The following SUPT3H variants were observed in gnomAD, a reference collection of about 807,000 sequenced individuals.
The protein encoded by SUPT3H is transcription initiation protein SPT3 homolog.
Under a neutral mutation model 44.3 loss-of-function variants are expected in SUPT3H, and 44 were observed. The observed-to-expected ratio is 0.99, with a 90% CI of 0.78 to 1.28. The LOEUF (loss-of-function observed/expected upper bound fraction) is 1.28, where lower values mean the gene tolerates loss of function less well. SUPT3H is among the 50% of genes most tolerant of loss of function. The probability of loss-of-function intolerance (pLI) is 0.00; values close to 1 mark genes in which losing one functional copy is unlikely to be tolerated. For missense variants in SUPT3H, 380 were observed against 387.1 expected (o/e 0.98, Z 0.15); for synonymous variants, 124 against 125.6 (o/e 0.99, Z 0.09).
At chr6:45,321,811 A>T (rs1785539755) in intron 2 of SUPT3H, 1 of 1,605,476 alleles carries the variant, frequency 6.2e-7, no homozygotes, top group East Asian at 2.2e-5. Flanking sequence ...AGAATCATTC[A>T]GCAGTGGAAG....
chr6:45,158,027 G>T (rs1316946261), intron 2 of SUPT3H, among the ~76,000 whole-genome samples: 2 of 147,142 alleles, frequency 1.4e-5, no homozygotes, highest in East Asian at 3.9e-4. Flanking sequence ...TGCTCTAGGG[G>T]ATTTAAAAAA....
chr6:45,143,402 C>A (rs1298824148), intron 2 of SUPT3H, among the ~76,000 whole-genome samples: 2 of 152,018 alleles, frequency 1.3e-5, no homozygotes, highest in South Asian at 4.1e-4. Context: ...CCAAAAGGAA[C>A]CTTTGAAACA....
intron 2 of SUPT3H, among the ~76,000 whole-genome samples, chr6:45,138,330 C>T (rs574117215): frequency 6.6e-6 from 1 of 152,078 alleles, no homozygotes. Context: ...TCTCATATAA[C>T]CCACTCCTAG....
chr6:45,042,816 T>C (rs888260391), intron 3 of SUPT3H, among the ~76,000 whole-genome samples: 2 of 8,052 alleles, frequency 2.5e-4, no homozygotes, highest in African/African-American at 2.0e-3. Context: ...ACTGCAGCAC[T>C]ATTCACAATA....
chr6:44,904,623 C>T (rs1765674213), intron 10 of SUPT3H, among the ~76,000 whole-genome samples: 1 of 152,122 alleles, frequency 6.6e-6, no homozygotes, highest in African/African-American at 2.4e-5. Context: ...CAATGCCATC[C>T]CCATCAAGCT....
chr6:45,286,410 C>T (rs1174307787), intron 2 of SUPT3H, among the ~76,000 whole-genome samples: 1 of 151,874 alleles, frequency 6.6e-6, no homozygotes, highest in East Asian at 1.9e-4. Context: ...GAAAAAACAA[C>T]CCCATCAAAA....
chr6:44,910,728 T>C (rs767691201), intron 10 of SUPT3H, among the ~76,000 whole-genome samples: 3 of 150,260 alleles, frequency 2.0e-5, no homozygotes, highest in Non-Finnish European at 4.4e-5. Flanking sequence ...GCATGGTGGC[T>C]CACGCCTGTA....
intron 2 of SUPT3H, among the ~76,000 whole-genome samples, chr6:45,362,014 GC>G (rs1198496685): frequency 1.3e-5 from 2 of 152,146 alleles, no homozygotes; most frequent in African/African-American, 4.8e-5. Flanking sequence ...TCAGGCAACT[GC>G]ACTCCAGCGC....
Position 44,930,554 on chromosome 6 carries a change from G to T in SUPT3H, c.912+2099C>A, listed in dbSNP as rs193060671. Among the ~76,000 whole-genome samples, 4 of 115,818 alleles carry T rather than the reference G, an allele frequency of 3.5e-5. No individual in the cohort carries two copies. In the Admixed American group the frequency reaches 4.2e-4, roughly 12 times the overall value. The allele number at this position is 115,818 out of a possible 152,430, so 76.0% of individuals were successfully genotyped here. A position where few individuals can be genotyped will look rare whatever the true frequency, so the allele number is the denominator to read the frequency against. Reference sequence around the variant, plus strand: ...ACTCCAGCCTGGGCAAACAGAGTGAGACTCCGTCTCAAAAAAAAAAAAAAA... The same window carrying T: ...ACTCCAGCCTGGGCAAACAGAGTGATACTCCGTCTCAAAAAAAAAAAAAAA... On this transcript the variant is annotated intron_variant, in intron 10 of 10. Transcript: ENST00000371459.
chr6:44,936,739 C>T (rs1381615291), intron 9 of SUPT3H, among the ~76,000 whole-genome samples: 2 of 152,136 alleles, frequency 1.3e-5, no homozygotes, highest in African/African-American at 4.8e-5. Context: ...GCGATCTTGA[C>T]TCAATGCAAC....
intron 2 of SUPT3H, chr6:45,323,008 T>TTTA (rs1323520424): frequency 8.1e-7 from 1 of 1,237,032 alleles, no homozygotes; most frequent in Non-Finnish European, 1.2e-6. Context: ...CAAATCATCC[T>TTTA]TAATAGAGAT....
chr6:44,913,073 C>T (rs1767302341), intron 10 of SUPT3H, among the ~76,000 whole-genome samples: 1 of 152,120 alleles, frequency 6.6e-6, no homozygotes, highest in African/African-American at 2.4e-5. Context: ...CAAAGCTTAC[C>T]CCTCAGGAAA....
intron 10 of SUPT3H, among the ~76,000 whole-genome samples, chr6:44,895,129 A>C (rs2153444654): frequency 6.6e-6 from 1 of 152,264 alleles, no homozygotes; most frequent in African/African-American, 2.4e-5. Flanking sequence ...CAATGAATTG[A>C]ACCATAAGAA....
intron 3 of SUPT3H, among the ~76,000 whole-genome samples, chr6:45,100,947 T>C (rs1798486450): frequency 6.6e-6 from 1 of 152,164 alleles, no homozygotes. Context: ...AACTGAAGTG[T>C]CCATCAACAG....
At chr6:45,153,289 G>C (rs932124710) in intron 2 of SUPT3H, among the ~76,000 whole-genome samples, 2 of 152,140 alleles carry the variant, frequency 1.3e-5, no homozygotes, top group Non-Finnish European at 2.9e-5. Flanking sequence ...TTCTTCACTA[G>C]TGTAGCCCTA....
intron 2 of SUPT3H, among the ~76,000 whole-genome samples, chr6:45,311,916 C>CA (rs937205481): frequency 1.7e-4 from 26 of 151,268 alleles, no homozygotes; most frequent in Non-Finnish European, 2.9e-4. Flanking sequence ...AAAGCAAAAA[C>CA]AAAAAAAACA....
At position 44,903,229 on chromosome 6, in the gene SUPT3H, A is replaced by C. The variant is rs1338070296; in HGVS notation, c.912+29424T>G. ...GACACAAAAAACCCTTCAAAAAATC[A>C]ATGAATCCAGTAGCTGGTTTTTTGA... On this transcript the variant is annotated intron_variant, in intron 10 of 10. Transcript: ENST00000371459. Among the ~76,000 whole-genome samples the C allele has an allele frequency of 3.3e-5, 5 of 152,212 alleles. No individual in the cohort carries two copies. In the East Asian group the frequency reaches 9.6e-4, roughly 29 times the overall value.
At chr6:45,234,302 G>C (rs1399507400) in intron 2 of SUPT3H, among the ~76,000 whole-genome samples, 1 of 151,936 alleles carries the variant, frequency 6.6e-6, no homozygotes, top group Non-Finnish European at 1.5e-5. Context: ...AGGCCGAGGT[G>C]GGCAGATTGT....
At chr6:44,948,913 AT>A (rs1773805462) in intron 9 of SUPT3H, among the ~76,000 whole-genome samples, 3 of 152,356 alleles carry the variant, frequency 2.0e-5, no homozygotes, top group African/African-American at 7.2e-5. Flanking sequence ...AGGATTATAA[AT>A]TATGTTGCTA....
Sources: gnomAD v4.1 joint callset for allele counts (sites outside exome capture counted in the v4.1 genomes callset) on GRCh38, gnomAD v4.1.1 for gene constraint, MANE v1.5 for transcripts, NCBI Gene and HGNC (gene_info 2026-07-23, HGNC 2026-07-21) for gene names.